CCDC57: variants seen among roughly 807,000 people sequenced by gnomAD.
The protein encoded by CCDC57 is coiled-coil domain containing 57.
A neutral mutation model predicts 118.9 loss-of-function variants in CCDC57; 118 were observed. The observed-to-expected ratio is 0.99, with a 90% CI of 0.86 to 1.16. The LOEUF (loss-of-function observed/expected upper bound fraction) is 1.16, where lower values mean the gene tolerates loss of function less well. Ranked by LOEUF, CCDC57 falls within the 50% of genes most tolerant of loss-of-function variation. The pLI is 0.00. For synonymous variants in CCDC57, 527 were observed against 532.9 expected, an observed-to-expected ratio of 0.99 and a Z score of 0.15; for missense variants, 1,300 against 1,320.7, an observed-to-expected ratio of 0.98 and a Z score of 0.24.
At chr17:82,197,325 C>T (rs907700444) in intron 4 of CCDC57, among the ~76,000 whole-genome samples, 2 of 152,244 alleles carry the variant, frequency 1.3e-5, no homozygotes, top group African/African-American at 2.4e-5. Context: ...GATGCAGCCC[C>T]TTGTCACATA....
intron 18 of CCDC57, among the ~76,000 whole-genome samples, chr17:82,128,261 C>A (rs2037769344): frequency 6.6e-6 from 1 of 152,300 alleles, no homozygotes; most frequent in Non-Finnish European, 1.5e-5. Context: ...CCAGCGTGGG[C>A]CCCATGTGCT....
intron 16 of CCDC57, among the ~76,000 whole-genome samples, chr17:82,151,007 C>T (rs1158930366): frequency 9.7e-6 from 1 of 103,154 alleles, no homozygotes; most frequent in African/African-American, 3.7e-5. Flanking sequence ...AGGCACACAC[C>T]CAGAACCTGG....
chr17:82,190,682 C>T (rs999869571), intron 7 of CCDC57, among the ~76,000 whole-genome samples: 7 of 127,774 alleles, frequency 5.5e-5, no homozygotes, highest in East Asian at 2.2e-4. Context: ...GGCAACAGAG[C>T]GAGACTCTGT....
chr17:82,142,512 C>G (rs999184785), intron 16 of CCDC57, among the ~76,000 whole-genome samples: 26 of 152,016 alleles, frequency 1.7e-4, no homozygotes, highest in Admixed American at 1.2e-3. Flanking sequence ...GGGGATTTCA[C>G]TGTGTTGGCC....
intron 17 of CCDC57, among the ~76,000 whole-genome samples, chr17:82,130,581 C>A (rs2145317272): frequency 6.8e-6 from 1 of 146,012 alleles, no homozygotes; most frequent in East Asian, 2.1e-4. Context: ...TGGCTCACTG[C>A]AACCTCCACC....
intron 13 of CCDC57, among the ~76,000 whole-genome samples, chr17:82,170,079 G>C (rs2044491758): frequency 6.6e-6 from 1 of 152,170 alleles, no homozygotes; most frequent in African/African-American, 2.4e-5. Context: ...CAATTCTATG[G>C]ACTGAGCTCT....
At chr17:82,131,612 C>T (rs796593143) in intron 17 of CCDC57, among the ~76,000 whole-genome samples, 6 of 150,940 alleles carry the variant, frequency 4.0e-5, no homozygotes, top group African/African-American at 9.8e-5. Context: ...ATTAGCCAGG[C>T]GTGGTGGTGC....
At chr17:82,113,268 C>A in intron 19 of CCDC57, 1 of 637,998 alleles carries the variant, frequency 1.6e-6, no homozygotes, top group Non-Finnish European at 2.9e-6. Flanking sequence ...CCCAGTGCTC[C>A]CTTCTTGGCC....
At chr17:82,137,013 C>CTTTT (rs36143411) in intron 16 of CCDC57, among the ~76,000 whole-genome samples, 6 of 125,226 alleles carry the variant, frequency 4.8e-5, no homozygotes, top group South Asian at 2.5e-4. Context: ...TGGTGTACTA[C>CTTTT]TTTTTTTTTT....
chr17:82,158,700 A>T (rs2042965957), intron 14 of CCDC57, among the ~76,000 whole-genome samples: 1 of 151,856 alleles, frequency 6.6e-6, no homozygotes, highest in South Asian at 2.1e-4. Flanking sequence ...AAAAAAAAAA[A>T]AAAAAGCTTG....
chr17:82,151,974 G>C lies in CCDC57; in HGVS notation c.2242-201C>G, dbSNP rs575892092. ...GTGGGTTCCTTCTCTTCCACAAATA[G>C]AATAAAGGCCCACAGATCTCCCAGG... On this transcript the variant is annotated intron_variant, in intron 15 of 19. Transcript: ENST00000665763. 6 of 579,710 alleles carry C rather than the reference G, an allele frequency of 1.0e-5. No homozygotes were observed. The South Asian group carries it at 1.2e-4, about 12-fold the overall frequency. 35.9% of individuals were successfully genotyped at this position (579,710 alleles called of 1,614,324 possible). A position where few individuals can be genotyped will look rare whatever the true frequency, so the allele number is the denominator to read the frequency against.
intron 15 of CCDC57, chr17:82,152,050 C>T: frequency 2.1e-6 from 1 of 475,686 alleles, no homozygotes; most frequent in Non-Finnish European, 3.8e-6. Context: ...CGCCTCCTCC[C>T]CGCCATCCCT....
At chr17:82,162,951 G>A (rs1044426600) in intron 14 of CCDC57, among the ~76,000 whole-genome samples, 3 of 152,192 alleles carry the variant, frequency 2.0e-5, no homozygotes, top group African/African-American at 4.8e-5. Flanking sequence ...TGTTCTGGCC[G>A]CCAGTGCTGC....
At chr17:82,141,751 A>G (rs1456306118) in intron 16 of CCDC57, among the ~76,000 whole-genome samples, 1 of 152,110 alleles carries the variant, frequency 6.6e-6, no homozygotes, top group Non-Finnish European at 1.5e-5. Context: ...AACATCCGAC[A>G]TCCGCACATT....
chr17:82,144,241 TAG>T (rs1351567954), intron 16 of CCDC57, among the ~76,000 whole-genome samples: 1 of 151,710 alleles, frequency 6.6e-6, no homozygotes, highest in Non-Finnish European at 1.5e-5. Flanking sequence ...GCCCAAGAAA[TAG>T]AGACTATAGT....
At chr17:82,123,240 G>T (rs913530158) in intron 19 of CCDC57, among the ~76,000 whole-genome samples, 3 of 143,682 alleles carry the variant, frequency 2.1e-5, no homozygotes, top group Non-Finnish European at 4.5e-5. Flanking sequence ...TGATCCTCCT[G>T]CCTCTGTCTC....
chr17:82,120,001 T>A lies in CCDC57; in HGVS notation c.2899+7691A>T, dbSNP rs2036453962. ...GGTTGGCAAAGCAGGGCTGAGGACA[T>A]GAGCAGGAGGGTGGTTCGGGGCCTA... On this transcript the variant is annotated intron_variant, in intron 19 of 19. Coordinates refer to ENST00000665763, the Ensembl canonical transcript of CCDC57. Among the ~76,000 whole-genome samples the A allele has an allele frequency of 2.0e-5, 3 of 151,966 alleles. No individual in the cohort carries two copies. In the South Asian group the frequency reaches 6.2e-4, roughly 32 times the overall value.
intron 16 of CCDC57, chr17:82,145,969 G>A (rs1489830202): frequency 6.3e-6 from 2 of 317,596 alleles, no homozygotes; most frequent in South Asian, 2.3e-5. Flanking sequence ...GGCAGCATGA[G>A]ACAGGCTCTA....
At chr17:82,194,245 T>C (rs1020496150) in intron 5 of CCDC57, 106 bp from the exon 5 acceptor site, 8 of 1,213,466 alleles carry the variant, frequency 6.6e-6, no homozygotes, top group Non-Finnish European at 9.2e-6. Flanking sequence ...AGAAGAAAAA[T>C]GAAAATTCAA....
Sources: allele counts gnomAD v4.1 joint callset (sites outside exome capture counted in the v4.1 genomes callset), GRCh38; gene constraint gnomAD v4.1.1; transcripts MANE v1.5; gene names NCBI Gene and HGNC (gene_info 2026-07-23, HGNC 2026-07-21).